The following SMYD3 variants were observed in gnomAD, a reference collection of about 807,000 sequenced individuals.
The protein encoded by SMYD3 is SET and MYND domain containing 3.
Under a neutral mutation model 57.7 loss-of-function variants are expected in SMYD3, and 36 were observed. That is an observed-to-expected ratio of 0.62 (90% confidence interval 0.48 to 0.82). The LOEUF (loss-of-function observed/expected upper bound fraction) is 0.82. Among genes scored for constraint, SMYD3 ranks in the 40% least tolerant of loss-of-function variants. SMYD3 has a pLI of 0.00. For missense variants in SMYD3, 515 were observed against 538.8 expected (o/e 0.96, Z 0.44); for synonymous variants, 211 against 195.0 (o/e 1.08, Z -0.68).
At chr1:245,958,654 C>A (rs1347169163) in intron 5 of SMYD3, among the ~76,000 whole-genome samples, 1 of 152,198 alleles carries the variant, frequency 6.6e-6, no homozygotes, top group Admixed American at 6.5e-5. Context: ...TGCTGATTTA[C>A]TTGTCTGTTT....
intron 11 of SMYD3, among the ~76,000 whole-genome samples, chr1:245,759,619 G>A (rs529866764): frequency 5.4e-4 from 82 of 152,320 alleles, no homozygotes; most frequent in African/African-American, 1.7e-3. Context: ...CAGGGCAGCC[G>A]ATGCAGGAAT....
chr1:245,848,743 G>A (rs1379787716), intron 10 of SMYD3, among the ~76,000 whole-genome samples: 3 of 152,146 alleles, frequency 2.0e-5, no homozygotes, highest in African/African-American at 7.2e-5. Flanking sequence ...CCTGGCCTGG[G>A]TTGGTGGCTC....
At position 246,210,838 on chromosome 1, in the gene SMYD3, T is replaced by C. The variant is rs572613307; in HGVS notation, c.531+116363A>G. On this transcript the variant is annotated intron_variant, in intron 5 of 11. Transcript: ENST00000490107. Reference sequence around the variant, plus strand: ...CCGTACGATCTTAACTTCTCAGGTATTGATCAGAGAAAGTCGAGAGGAAGG... The same window carrying C: ...CCGTACGATCTTAACTTCTCAGGTACTGATCAGAGAAAGTCGAGAGGAAGG... 7.2e-5 allele frequency among the ~76,000 whole-genome samples: 11 copies of C among 152,280 alleles called. No individual in the cohort carries two copies. The East Asian group carries it at 9.6e-4, about 13-fold the overall frequency.
chr1:246,294,605 C>CTTTT (rs34272512), intron 5 of SMYD3, among the ~76,000 whole-genome samples: 5 of 148,236 alleles, frequency 3.4e-5, no homozygotes, highest in African/African-American at 1.2e-4. Context: ...ATTAAGCTTC[C>CTTTT]TTTTTTTTTT....
chr1:245,794,767 T>C (rs955795955), intron 10 of SMYD3, among the ~76,000 whole-genome samples: 1 of 152,216 alleles, frequency 6.6e-6, no homozygotes, highest in African/African-American at 2.4e-5. Flanking sequence ...TAATTCAATG[T>C]ATCTTTGTGG....
At chr1:245,861,581 C>A (rs12134076) in intron 9 of SMYD3, among the ~76,000 whole-genome samples, 15 of 152,072 alleles carry the variant, frequency 9.9e-5, no homozygotes, top group Non-Finnish European at 2.2e-4. Context: ...TGCCACCTTC[C>A]CCTCCTCTCA....
chr1:245,965,504 G>A (rs2058118342), intron 5 of SMYD3, among the ~76,000 whole-genome samples: 1 of 152,176 alleles, frequency 6.6e-6, no homozygotes, highest in South Asian at 2.1e-4. Context: ...TCCTTCAGTA[G>A]GTGAACAGGT....
intron 5 of SMYD3, among the ~76,000 whole-genome samples, chr1:246,076,671 G>GT (rs1468335348): frequency 9.0e-4 from 111 of 122,740 alleles, no homozygotes; most frequent in African/African-American, 4.8e-3. Context: ...CATTCTGTCT[G>GT]GTTTTGTTTT....
chr1:246,362,226 C>A (rs1276773116), intron 1 of SMYD3, among the ~76,000 whole-genome samples: 1 of 152,118 alleles, frequency 6.6e-6, no homozygotes, highest in Non-Finnish European at 1.5e-5. Context: ...TTCAAATATA[C>A]AAATTTTGTC....
At chr1:246,111,641 C>CTCCT (rs1208470392) in intron 5 of SMYD3, 4 of 152,336 alleles carry the variant, frequency 2.6e-5, no homozygotes, top group African/African-American at 9.6e-5. Flanking sequence ...TCCTTCTGGG[C>CTCCT]TCCTACAAGG....
chr1:245,851,496 C>T (rs2050974314), intron 10 of SMYD3, among the ~76,000 whole-genome samples: 1 of 152,150 alleles, frequency 6.6e-6, no homozygotes, highest in African/African-American at 2.4e-5. Context: ...GCTCTGTCTC[C>T]TACCGGCCAA....
chr1:245,947,519 T>C, intron 5 of SMYD3: 5 of 418,504 alleles, frequency 1.2e-5, no homozygotes, highest in South Asian at 8.4e-5. Flanking sequence ...GGGTAAAATG[T>C]GTTAAATGTG....
At chr1:245,805,264 G>T (rs1403885512) in intron 10 of SMYD3, among the ~76,000 whole-genome samples, 1 of 151,004 alleles carries the variant, frequency 6.6e-6, no homozygotes, top group South Asian at 2.1e-4. Context: ...TAATATAAGA[G>T]AGGGGCAAGT....
At chr1:246,027,308 C>G (rs1227998197) in intron 5 of SMYD3, among the ~76,000 whole-genome samples, 1 of 152,160 alleles carries the variant, frequency 6.6e-6, no homozygotes, top group Non-Finnish European at 1.5e-5. Flanking sequence ...CAAGGAAAAG[C>G]AGACTTTCAG....
intron 10 of SMYD3, among the ~76,000 whole-genome samples, chr1:245,807,823 A>C (rs1004106777): frequency 6.6e-6 from 1 of 151,952 alleles, no homozygotes; most frequent in African/African-American, 2.4e-5. Flanking sequence ...GAAAAAAAAA[A>C]AAAACAAAAA....
intron 5 of SMYD3, among the ~76,000 whole-genome samples, chr1:245,934,833 T>A (rs746348714): frequency 3.3e-5 from 5 of 152,168 alleles, no homozygotes; most frequent in South Asian, 2.1e-4. Flanking sequence ...CTGGAGGGTC[T>A]CAAGTTTTAC....
At chr1:246,374,850 T>G (rs1371710492) in intron 1 of SMYD3, among the ~76,000 whole-genome samples, 2 of 151,694 alleles carry the variant, frequency 1.3e-5, no homozygotes, top group South Asian at 4.2e-4. Context: ...CCCAGCAGTT[T>G]GGGGGGCCGA....
chr1:245,927,488 C>T (rs1277614221), intron 7 of SMYD3, among the ~76,000 whole-genome samples: 1 of 152,220 alleles, frequency 6.6e-6, no homozygotes, highest in Admixed American at 6.5e-5. Flanking sequence ...TAACATGCAT[C>T]ATTACCTTCA....
chr1:246,438,737 G>A (rs752471088), intron 1 of SMYD3, among the ~76,000 whole-genome samples: 12 of 152,018 alleles, frequency 7.9e-5, no homozygotes, highest in South Asian at 2.1e-4. Flanking sequence ...GGGGCGGGGG[G>A]CGGAGTGGGG....
Sources: allele counts gnomAD v4.1 joint callset (sites outside exome capture counted in the v4.1 genomes callset), GRCh38; gene constraint gnomAD v4.1.1; transcripts MANE v1.5; gene names NCBI Gene and HGNC (gene_info 2026-07-23, HGNC 2026-07-21).